ARID3A: variants seen among roughly 807,000 people sequenced by gnomAD.
The protein encoded by ARID3A is AT-rich interaction domain 3A.
A neutral mutation model predicts 52.7 loss-of-function variants in ARID3A; 11 were observed. That is an observed-to-expected ratio of 0.21 (90% CI 0.13 to 0.35). ARID3A has a LOEUF of 0.35. Ranked by LOEUF, ARID3A falls within the 10% of genes least tolerant of loss-of-function variation. The pLI, the probability that ARID3A is intolerant of heterozygous loss-of-function variation, is 1.00. For missense variants in ARID3A, 721 were observed against 838.5 expected, an observed-to-expected ratio of 0.86 and a Z score of 1.73; for synonymous variants, 404 against 359.4, an observed-to-expected ratio of 1.12 and a Z score of -1.40.
intron 3 of ARID3A, among the ~76,000 whole-genome samples, chr19:935,504 G>A (rs995334282): frequency 6.6e-6 from 1 of 152,174 alleles, no homozygotes; most frequent in Non-Finnish European, 1.5e-5. Context: ...TTGAGGCAGG[G>A]TCTTACTCTG....
chr19:948,130 C>G (rs149279402), intron 3 of ARID3A, among the ~76,000 whole-genome samples: 9 of 152,138 alleles, frequency 5.9e-5, no homozygotes, highest in African/African-American at 1.7e-4. Flanking sequence ...GGCCGCCTGT[C>G]CCCTGGTGTT....
At chr19:940,929 T>TCC (rs2037536509) in intron 3 of ARID3A, among the ~76,000 whole-genome samples, 1 of 151,894 alleles carries the variant, frequency 6.6e-6, no homozygotes. Flanking sequence ...GGTGGGTGGG[T>TCC]GCCCGCCAGC....
chr19:961,391 C>T (rs2038037588), intron 4 of ARID3A, among the ~76,000 whole-genome samples: 1 of 152,232 alleles, frequency 6.6e-6, no homozygotes, highest in Non-Finnish European at 1.5e-5. Context: ...AGGATCCAGA[C>T]CCGGGACCTG....
intron 3 of ARID3A, chr19:958,127 A>T (rs2037960586): frequency 1.4e-5 from 1 of 73,738 alleles, no homozygotes; most frequent in Admixed American, 1.2e-4. Flanking sequence ...AATAATAATA[A>T]AAATTAAAAT....
rs145831876 is a variant in ARID3A at position 938,467 on chromosome 19, G to C, written c.693+5725G>C. 6.6e-6 allele frequency among the ~76,000 whole-genome samples: 1 copy of C among 152,174 alleles called. No homozygotes were observed. The highest frequency in any genetic ancestry group is 6.5e-5 in the Admixed American group (1 of 15,272). ...TCACATGACTTGTGCACAGTCGCCC[G>C]GGGGACGTGTCAGAGCTGGAATTTG... On this transcript the variant is annotated intron_variant, in intron 3 of 8. Coordinates refer to ENST00000263620, the MANE Select transcript of ARID3A (RefSeq NM_005224.3). This position sits in a 1 kb window ranked among gnomAD's most constrained non-coding sequence, Gnocchi z 4.0.
intron 3 of ARID3A, among the ~76,000 whole-genome samples, chr19:939,326 C>A (rs1238881409): frequency 3.3e-5 from 5 of 152,064 alleles, no homozygotes; most frequent in Admixed American, 6.6e-5. Flanking sequence ...ACCATGTTGC[C>A]CAGGGTGGTC....
chr19:962,232 A>AT (rs571750373), intron 4 of ARID3A, among the ~76,000 whole-genome samples: 91 of 150,808 alleles, frequency 6.0e-4, no homozygotes, highest in Admixed American at 1.5e-3. Context: ...GAGAGAAATA[A>AT]TTTTTTTTTT....
chr19:969,544 C>CTA (rs1568375344), intron 8 of ARID3A, among the ~76,000 whole-genome samples: 1 of 151,102 alleles, frequency 6.6e-6, no homozygotes, highest in African/African-American at 2.4e-5. Flanking sequence ...CCTTCTCTCT[C>CTA]TCTATATATC....
intron 7 of ARID3A, among the ~76,000 whole-genome samples, chr19:967,686 A>G (rs2038188280): frequency 6.6e-6 from 1 of 152,226 alleles, no homozygotes; most frequent in Non-Finnish European, 1.5e-5. Context: ...CACCTTGTAA[A>G]GCTAAAATCT....
rs769545219 is a variant in ARID3A, at chr19:973,724, G to T, written c.*1659G>T. 2.3e-4 allele frequency: 53 copies of T among 227,578 alleles called. No homozygotes were observed. Among genetic ancestry groups the T allele is most frequent in the Non-Finnish European group, 4.3e-4 (49 of 114,604 alleles). The allele number at this position is 227,578 out of a possible 1,614,324, so 14.1% of individuals were successfully genotyped here. A position where few individuals can be genotyped will look rare whatever the true frequency, so the allele number is the denominator to read the frequency against. ...TTTGTGCTGGGGCTGCGAGCTCCCC[G>T]AGTTCTGCGGTGACTAAATCGAGGC... On this transcript the variant is annotated 3_prime_UTR_variant, in exon 9 of 9. Coordinates refer to ENST00000263620, the MANE Select transcript of ARID3A (RefSeq NM_005224.3).
At chr19:935,260 G>A (rs554346502) in intron 3 of ARID3A, among the ~76,000 whole-genome samples, 5 of 152,322 alleles carry the variant, frequency 3.3e-5, no homozygotes, top group South Asian at 2.1e-4. Flanking sequence ...AGGCCGCGGC[G>A]GGGGGCCGGG....
rs138359213 is a variant in ARID3A, at chr19:964,096, C to T, written c.767-152C>T. The T allele has an allele frequency of 4.5e-4, 287 of 632,828 alleles. 2 individuals carry two copies. In the East Asian group the frequency reaches 7.0e-3, roughly 16 times the overall value. 39.2% of individuals were successfully genotyped at this position (632,828 alleles called of 1,614,324 possible). ...TTCCCAGCCTGGATGATCCTGCACC[C>T]ACAGAGGGCCCTGGGCAATGTCTGG... On this transcript the variant is annotated intron_variant, in intron 4 of 8. Transcript: ENST00000263620. The surrounding 1 kb of genome is among the most constrained non-coding windows in gnomAD (Gnocchi z 5.7).
chr19:975,937 A>G lies in ARID3A; in HGVS notation c.*3872A>G, dbSNP rs2038368698. ...CAAAACACTTCTGACTTTTAACAGAAAAGTGTCCTGTGGTGTTTTTTTTCT... is the reference window on the plus strand; with the variant it reads ...CAAAACACTTCTGACTTTTAACAGAGAAGTGTCCTGTGGTGTTTTTTTTCT... On this transcript the variant is annotated 3_prime_UTR_variant, in exon 9 of 9. Transcript: ENST00000263620. The G allele has an allele frequency of 1.7e-5, 3 of 177,204 alleles. No individual in the cohort carries two copies. In the East Asian group the frequency reaches 2.9e-4, roughly 17 times the overall value. The allele number at this position is 177,204 out of a possible 1,614,324, so 11.0% of individuals were successfully genotyped here.
At position 975,675 on chromosome 19, in the gene ARID3A, T is replaced by C. The variant is rs1599437943; in HGVS notation, c.*3610T>C. On this transcript the variant is annotated 3_prime_UTR_variant, in exon 9 of 9. Transcript: ENST00000263620. ...TGGCTGGGCCCAGCCTGTCTCGCCC[T>C]GGCCGCGGCAGGGTGGCCTGTAACA... The C allele has an allele frequency of 6.3e-6, 1 of 158,846 alleles. No individual in the cohort carries two copies. The highest frequency in any genetic ancestry group is 1.3e-4 in the East Asian group (1 of 7,600). 9.8% of individuals were successfully genotyped at this position (158,846 alleles called of 1,614,324 possible). A position where few individuals can be genotyped will look rare whatever the true frequency, so the allele number is the denominator to read the frequency against.
intron 3 of ARID3A, among the ~76,000 whole-genome samples, chr19:937,378 G>A (rs1470705904): frequency 1.3e-5 from 2 of 152,158 alleles, no homozygotes; most frequent in East Asian, 1.9e-4. Flanking sequence ...GGCCTGGGTC[G>A]GAGTCTCCTT....
intron 3 of ARID3A, among the ~76,000 whole-genome samples, chr19:933,499 C>T (rs909921628): frequency 3.9e-5 from 6 of 152,300 alleles, no homozygotes; most frequent in Admixed American, 1.3e-4. Context: ...CCTCTGGGCG[C>T]GGCTGGGGGG....
At chr19:932,143 T>C (rs2037344051) in intron 2 of ARID3A, among the ~76,000 whole-genome samples, 1 of 151,976 alleles carries the variant, frequency 6.6e-6, no homozygotes, top group South Asian at 2.1e-4. Context: ...GGATTATAGG[T>C]GTGCGCCACC....
At position 959,640 on chromosome 19, in the gene ARID3A, G is replaced by A. The variant is rs191242519; in HGVS notation, c.694-452G>A. ...GATTTCTGTTGCTTTAAGCTGCAAC[G>A]TGTGGCTGTAAGGGAGTTAAGGATC... On this transcript the variant is annotated intron_variant, in intron 3 of 8. Coordinates refer to ENST00000263620, the MANE Select transcript of ARID3A (RefSeq NM_005224.3). The surrounding 1 kb of genome is among the most constrained non-coding windows in gnomAD (Gnocchi z 5.0). 2.6e-5 allele frequency among the ~76,000 whole-genome samples: 4 copies of A among 152,164 alleles called. No individual in the cohort carries two copies. Among genetic ancestry groups the A allele is most frequent in the Non-Finnish European group, 2.9e-5 (2 of 68,032 alleles).
intron 3 of ARID3A, among the ~76,000 whole-genome samples, chr19:935,423 C>T (rs2037418975): frequency 6.6e-6 from 1 of 152,198 alleles, no homozygotes; most frequent in Non-Finnish European, 1.5e-5. Flanking sequence ...TGGTGGCCTC[C>T]TGTCACCCAC....
Sources: allele counts gnomAD v4.1 joint callset (sites outside exome capture counted in the v4.1 genomes callset), GRCh38; gene constraint gnomAD v4.1.1; non-coding constraint Gnocchi (gnomAD v3.1); transcripts MANE v1.5; gene names NCBI Gene and HGNC (gene_info 2026-07-23, HGNC 2026-07-21).